Variants in CACNA2D2 observed in about 807,000 individuals in gnomAD.
The protein encoded by CACNA2D2 is calcium voltage-gated channel auxiliary subunit alpha2delta 2.
In CACNA2D2, 48 loss-of-function variants were observed where a neutral mutation model predicts 166.4. The observed-to-expected ratio is 0.29, with a 90% CI of 0.23 to 0.37. The LOEUF (loss-of-function observed/expected upper bound fraction) is 0.37, where lower values mean the gene tolerates loss of function less well. Among genes scored for constraint, CACNA2D2 ranks in the 10% least tolerant of loss-of-function variants. CACNA2D2 has a pLI of 1.00. For synonymous variants in CACNA2D2, 561 were observed against 573.7 expected, an observed-to-expected ratio of 0.98 and a Z score of 0.32; for missense variants, 1,122 against 1,433.0, an observed-to-expected ratio of 0.78 and a Z score of 3.50.
At chr3:50,502,273 G>C (rs1193108565) in intron 1 of CACNA2D2, among the ~76,000 whole-genome samples, 1 of 152,206 alleles carries the variant, frequency 6.6e-6, no homozygotes, top group Non-Finnish European at 1.5e-5. Context: ...CTCAGACCCG[G>C]AGACAGATAA....
At chr3:50,393,977 AC>A in intron 4 of CACNA2D2, 131 bp downstream of exon 4, 1 of 735,550 alleles carries the variant, frequency 1.4e-6, no homozygotes, top group Non-Finnish European at 2.3e-6. Context: ...AATGTTGGAC[AC>A]CGGCTTCTGG....
chr3:50,379,353 TC>T lies in CACNA2D2; in HGVS notation c.1152+78del. 1 of 1,553,814 alleles carries T rather than the reference TC, an allele frequency of 6.4e-7. No individual in the cohort carries two copies. The highest frequency in any genetic ancestry group is 8.8e-7 in the Non-Finnish European group (1 of 1,136,282). On this transcript the variant is annotated intron_variant, in intron 11 of 37. Coordinates refer to ENST00000424201, the MANE Select transcript of CACNA2D2 (RefSeq NM_006030.4). This position sits in a 1 kb window ranked among gnomAD's most constrained non-coding sequence, Gnocchi z 6.5. ...TGCCTGTTTGGTGCTAACGAGGCCA[TC>T]CGTCTTGATTTCCTGGGTACACCAA...
At position 50,365,281 on chromosome 3, in the gene CACNA2D2, CT is replaced by C. The variant is rs1704182612; in HGVS notation, c.3098+74del. 6.3e-6 allele frequency: 10 copies of C among 1,589,988 alleles called. No individual in the cohort carries two copies. ...CCCCGGCCGCTCGGAGGCCCCGCCCCTTCCATCCTCCCGAGCGTCTCGCCCC... is the reference window on the plus strand; with the variant it reads ...CCCCGGCCGCTCGGAGGCCCCGCCCCTCCATCCTCCCGAGCGTCTCGCCCC... On this transcript the variant is annotated intron_variant, in intron 35 of 37. Transcript: ENST00000424201. This position sits in a 1 kb window ranked among gnomAD's most constrained non-coding sequence, Gnocchi z 4.5.
At chr3:50,395,088 C>G (rs1270335616) in intron 3 of CACNA2D2, among the ~76,000 whole-genome samples, 2 of 152,224 alleles carry the variant, frequency 1.3e-5, no homozygotes, top group African/African-American at 4.8e-5. Context: ...AAGGATGGAA[C>G]TGAGTCTGGC....
intron 3 of CACNA2D2, among the ~76,000 whole-genome samples, chr3:50,394,983 C>A (rs972527968): frequency 6.6e-6 from 1 of 152,174 alleles, no homozygotes; most frequent in African/African-American, 2.4e-5. Flanking sequence ...GACGCTGGGG[C>A]CCGGCCACCC....
intron 3 of CACNA2D2, among the ~76,000 whole-genome samples, chr3:50,407,578 C>A (rs1354942992): frequency 6.6e-6 from 1 of 152,190 alleles, no homozygotes; most frequent in Non-Finnish European, 1.5e-5. Flanking sequence ...GCCACAGTAC[C>A]CCATGGGGCA....
chr3:50,393,854 C>A (rs999550029), intron 4 of CACNA2D2, among the ~76,000 whole-genome samples: 2 of 152,230 alleles, frequency 1.3e-5, no homozygotes, highest in African/African-American at 4.8e-5. Context: ...ACAGGGAACA[C>A]TACTTTCAAG....
At position 50,364,591 on chromosome 3, in the gene CACNA2D2, G is replaced by C. The variant is rs1704106196; in HGVS notation, c.*75C>G. On this transcript the variant is annotated 3_prime_UTR_variant, in exon 38 of 38. Transcript: ENST00000424201. ...GGGAGGGACGAGGCTCTAAGGCGGG[G>C]AGTGTGGGGCAGGAGGGTGGGAAAG... The C allele has an allele frequency of 7.0e-7, 1 of 1,420,418 alleles. No individual in the cohort carries two copies. The highest frequency in any genetic ancestry group is 2.5e-5 in the East Asian group (1 of 39,948). The allele number at this position is 1,420,418 out of a possible 1,614,324, so 88.0% of individuals were successfully genotyped here.
At chr3:50,502,902 C>G (rs750527313) in intron 1 of CACNA2D2, among the ~76,000 whole-genome samples, 21 of 152,216 alleles carry the variant, frequency 1.4e-4, no homozygotes, top group Non-Finnish European at 2.6e-4. Context: ...CTCACCGGGT[C>G]AGCGGCAGGG....
Position 50,377,645 on chromosome 3 carries a change from C to T in CACNA2D2, c.1551+87G>A. On this transcript the variant is annotated intron_variant, in intron 16 of 37. Coordinates refer to ENST00000424201, the MANE Select transcript of CACNA2D2 (RefSeq NM_006030.4). ...CTCACAGGCAGTGTGCAGGCCTGCC[C>T]TGCCCCTCTTCCACCCTCAGACCTG... 1.9e-6 allele frequency: 3 copies of T among 1,562,776 alleles called. No individual in the cohort carries two copies. The Admixed American group carries it at 5.0e-5, about 26-fold the overall frequency.
chr3:50,457,649 A>G (rs1348859436), intron 2 of CACNA2D2, among the ~76,000 whole-genome samples: 3 of 151,984 alleles, frequency 2.0e-5, no homozygotes, highest in African/African-American at 7.2e-5. Context: ...CAACAACCCC[A>G]CGTACCTCTG....
At chr3:50,449,762 C>T (rs1041971103) in intron 2 of CACNA2D2, among the ~76,000 whole-genome samples, 69 of 152,220 alleles carry the variant, frequency 4.5e-4, no homozygotes, top group Non-Finnish European at 2.8e-4. Flanking sequence ...TGGCCTGGGG[C>T]GGGGGGAGCC....
chr3:50,403,465 C>T (rs1706546906), intron 3 of CACNA2D2, among the ~76,000 whole-genome samples: 1 of 152,188 alleles, frequency 6.6e-6, no homozygotes, highest in African/African-American at 2.4e-5. Flanking sequence ...TACCCCCCTG[C>T]AGCCCTGCTT....
intron 3 of CACNA2D2, among the ~76,000 whole-genome samples, chr3:50,433,929 C>A (rs938070833): frequency 6.6e-6 from 1 of 152,148 alleles, no homozygotes; most frequent in African/African-American, 2.4e-5. Flanking sequence ...ACCTCAGGGG[C>A]AAACTCCACC....
intron 22 of CACNA2D2, among the ~76,000 whole-genome samples, chr3:50,371,237 T>C (rs942098586): frequency 9.2e-5 from 14 of 151,976 alleles, no homozygotes; most frequent in Admixed American, 3.3e-4. Flanking sequence ...CAGGCAGCCA[T>C]GGGGGATGCT....
chr3:50,376,309 T>A lies in CACNA2D2; in HGVS notation c.1627-121A>T. The A allele has an allele frequency of 9.3e-7, 1 of 1,078,086 alleles. No individual in the cohort carries two copies. The highest frequency in any genetic ancestry group is 1.3e-6 in the Non-Finnish European group (1 of 742,008). The allele number at this position is 1,078,086 out of a possible 1,614,324, so 66.8% of individuals were successfully genotyped here. On this transcript the variant is annotated intron_variant, in intron 17 of 37. Transcript: ENST00000424201. This position sits in a 1 kb window ranked among gnomAD's most constrained non-coding sequence, Gnocchi z 4.3. ...GAGATTCTGTTTGCCTGCCTTGGGC[T>A]AAGGGCCCCCCCATGCCACGTGGCC... is the stretch of plus-strand genomic sequence containing the variant.
chr3:50,429,592 CAAA>C lies in CACNA2D2; in HGVS notation c.405+4718_405+4720del, dbSNP rs1160685582. Among the ~76,000 whole-genome samples the C allele has an allele frequency of 3.7e-3, 196 of 52,630 alleles. 2 individuals carry two copies. The East Asian group carries it at 0.087, about 23-fold the overall frequency. The allele number at this position is 52,630 out of a possible 152,430, so 34.5% of individuals were successfully genotyped here. On this transcript the variant is annotated intron_variant, in intron 3 of 37. Transcript: ENST00000424201. ...TGAAACCCCATCTCTACTAAAAATA[CAAA>C]AAAAAAAAAAAAAAAAAAAAAAAAA...
chr3:50,404,344 T>G (rs1351737259), intron 3 of CACNA2D2, among the ~76,000 whole-genome samples: 1 of 152,084 alleles, frequency 6.6e-6, no homozygotes, highest in African/African-American at 2.4e-5. Context: ...CTGGACCTTG[T>G]GAAAATGTTA....
At chr3:50,498,794 A>G (rs1698833700) in intron 1 of CACNA2D2, among the ~76,000 whole-genome samples, 1 of 152,162 alleles carries the variant, frequency 6.6e-6, no homozygotes, top group Admixed American at 6.5e-5. Flanking sequence ...CCAGAGATTC[A>G]GGCTTCAAGC....
Sources: gnomAD v4.1 joint callset for allele counts (sites outside exome capture counted in the v4.1 genomes callset) on GRCh38, gnomAD v4.1.1 for gene constraint, Gnocchi (gnomAD v3.1) non-coding constraint, MANE v1.5 for transcripts, NCBI Gene and HGNC (gene_info 2026-07-23, HGNC 2026-07-21) for gene names.